Variants in OGDH observed in about 807,000 individuals in gnomAD.
OGDH encodes the protein oxoglutarate dehydrogenase.
A neutral mutation model predicts 116.6 loss-of-function variants in OGDH; 38 were observed. The observed-to-expected ratio is 0.33, with a 90% CI of 0.25 to 0.43. The LOEUF is 0.43. Among genes scored for constraint, OGDH ranks in the 20% least tolerant of loss-of-function variants. OGDH has a pLI of 1.00. For missense variants in OGDH, 825 were observed against 1,357.2 expected (o/e 0.61, Z 6.16); for synonymous variants, 488 against 533.3 (o/e 0.92, Z 1.17).
chr7:44,694,285 A>G lies in OGDH; in HGVS notation c.1516-139A>G. 1.9e-6 allele frequency: 2 copies of G among 1,077,614 alleles called. No homozygotes were observed. Among genetic ancestry groups the G allele is most frequent in the South Asian group, 3.2e-5 (2 of 63,312 alleles). The allele number at this position is 1,077,614 out of a possible 1,614,324, so 66.8% of individuals were successfully genotyped here. ...GAGAGATACACAGAATCCTAATTCT[A>G]GAGAAGGTAAACTCCAGGGCAGGCA... On this transcript the variant is annotated intron_variant, in intron 11 of 22. Coordinates refer to ENST00000222673, the MANE Select transcript of OGDH (RefSeq NM_002541.4). The surrounding 1 kb of genome is among the most constrained non-coding windows in gnomAD (Gnocchi z 4.2).
intron 10 of OGDH, 38 bp downstream of exon 10, chr7:44,681,886 A>G (rs1426824829): frequency 6.2e-7 from 1 of 1,606,872 alleles, no homozygotes; most frequent in East Asian, 2.2e-5. Flanking sequence ...TGCTCACATC[A>G]GTCTTACTTA....
chr7:44,634,365 G>A (rs981870509), intron 2 of OGDH, among the ~76,000 whole-genome samples: 1 of 152,202 alleles, frequency 6.6e-6, no homozygotes, highest in Admixed American at 6.5e-5. Flanking sequence ...AAAAGGCATG[G>A]CCACTGGACA....
At chr7:44,690,097 A>G (rs761375810) in intron 10 of OGDH, among the ~76,000 whole-genome samples, 1 of 152,234 alleles carries the variant, frequency 6.6e-6, no homozygotes, top group Non-Finnish European at 1.5e-5. Flanking sequence ...ATTTTCAAAT[A>G]TAAATGATTG....
chr7:44,647,378 A>G (rs1786230836), intron 3 of OGDH: 1 of 1,067,490 alleles, frequency 9.4e-7, no homozygotes, highest in Non-Finnish European at 1.4e-6. Context: ...ATAACCTGTG[A>G]CTCTTTTAAC....
At chr7:44,696,170 C>A (rs1380718620) in intron 13 of OGDH, 43 bp downstream of exon 13, 2 of 1,371,626 alleles carry the variant, frequency 1.5e-6, no homozygotes, top group South Asian at 1.2e-5. Flanking sequence ...CTTTGAGGAT[C>A]TGATGTAACG....
At chr7:44,702,360 C>T (rs1414117824) in intron 20 of OGDH, among the ~76,000 whole-genome samples, 1 of 152,174 alleles carries the variant, frequency 6.6e-6, no homozygotes, top group African/African-American at 2.4e-5. Context: ...CAGGTCCTGC[C>T]AAGTCACATG....
At chr7:44,644,913 A>G (rs1786100650) in intron 2 of OGDH, among the ~76,000 whole-genome samples, 1 of 152,212 alleles carries the variant, frequency 6.6e-6, no homozygotes, top group Non-Finnish European at 1.5e-5. Context: ...CAGAAGGTCA[A>G]GAGATCACCT....
chr7:44,687,155 T>C (rs1436993914), intron 10 of OGDH, among the ~76,000 whole-genome samples: 13 of 144,144 alleles, frequency 9.0e-5, no homozygotes, highest in African/African-American at 2.9e-4. Flanking sequence ...TAGAGTGCAG[T>C]GGAGTGATCT....
At chr7:44,696,197 G>GA (rs1788573074) in intron 13 of OGDH, 70 bp downstream of exon 13, 5 of 1,239,116 alleles carry the variant, frequency 4.0e-6, no homozygotes, top group African/African-American at 1.5e-5. Context: ...CCTCTTCCCA[G>GA]AAAAAATTCA....
intron 1 of OGDH, among the ~76,000 whole-genome samples, chr7:44,616,811 A>ATATATACATATATATACATATG (rs1380717095): frequency 7.1e-6 from 1 of 140,634 alleles, no homozygotes; most frequent in East Asian, 2.1e-4. Context: ...ATATATGCAT[A>ATATATACATATATATACATATG]TATACGTATA....
intron 10 of OGDH, among the ~76,000 whole-genome samples, chr7:44,689,786 A>G (rs1056679358): frequency 5.9e-5 from 9 of 152,058 alleles, no homozygotes; most frequent in Admixed American, 1.3e-4. Context: ...AGAGTTCTTT[A>G]TATATTCTGG....
chr7:44,663,537 G>A (rs543249883), intron 4 of OGDH, among the ~76,000 whole-genome samples: 3 of 152,346 alleles, frequency 2.0e-5, no homozygotes, highest in African/African-American at 7.2e-5. Context: ...GGGAGACTGA[G>A]GCGGGCAGAT....
rs746288695 is a variant in OGDH at position 44,696,572 on chromosome 7, G to T, written c.1900+15G>T. ...TATTCATGGAGGTAACACGCTCTGT[G>T]CTGACCTGTGGAAATGTTGGGGCCC... On this transcript the variant is annotated intron_variant, in intron 14 of 22. Coordinates refer to ENST00000222673, the MANE Select transcript of OGDH (RefSeq NM_002541.4). 3.9e-5 allele frequency: 63 copies of T among 1,613,916 alleles called. No homozygotes were observed. Among genetic ancestry groups the T allele is most frequent in the Non-Finnish European group, 5.0e-5 (59 of 1,179,954 alleles).
At chr7:44,653,582 A>G (rs1786547689) in intron 4 of OGDH, among the ~76,000 whole-genome samples, 1 of 152,228 alleles carries the variant, frequency 6.6e-6, no homozygotes. Context: ...GCTGGAATGC[A>G]GTGGCACGAT....
intron 10 of OGDH, among the ~76,000 whole-genome samples, chr7:44,690,084 A>G (rs1304590476): frequency 1.3e-5 from 2 of 152,256 alleles, no homozygotes. Flanking sequence ...GCACTTGGAT[A>G]CTATTTTCAA....
rs371665967 is a variant in OGDH at position 44,691,981 on chromosome 7, T to TA, written c.1336-1820dup. On this transcript the variant is annotated intron_variant, in intron 10 of 22. Coordinates refer to ENST00000222673, the MANE Select transcript of OGDH (RefSeq NM_002541.4). ...TGGGAGTCACAATGAGACTCTGTCT[T>TA]AAAAAAAAAAAAAAAAAAAAAAAAG... is the stretch of plus-strand genomic sequence containing the variant. Among the ~76,000 whole-genome samples, 336 of 102,542 alleles carry TA rather than the reference T, an allele frequency of 3.3e-3. 4 individuals are homozygous for TA. Among genetic ancestry groups the TA allele is most frequent in the African/African-American group, 8.8e-3 (201 of 22,746 alleles). The allele number at this position is 102,542 out of a possible 152,430, so 67.3% of individuals were successfully genotyped here.
chr7:44,670,217 A>G (rs1268315206), intron 5 of OGDH, among the ~76,000 whole-genome samples: 1 of 152,108 alleles, frequency 6.6e-6, no homozygotes, highest in Non-Finnish European at 1.5e-5. Context: ...CTTCTGTTCA[A>G]TAATGGAAAT....
chr7:44,673,807 T>C lies in OGDH; in HGVS notation c.654T>C (p.Ile218=). Residue 218 remains isoleucine (I), a synonymous_variant, in exon 6 of 23, where the codon ATT becomes ATC. Coordinates refer to ENST00000222673, the MANE Select transcript of OGDH (RefSeq NM_002541.4). ...RRLEMAYCQH[I]GVEFMFINDL... ...AATAGATGGCCTACTGCCAGCATAT[T>C]GGGGTGGAGTTCATGTTCATCAATG... is the stretch of plus-strand genomic sequence containing the variant. 1 of 1,614,214 alleles carries C rather than the reference T, an allele frequency of 6.2e-7. No homozygotes were observed. Among genetic ancestry groups the C allele is most frequent in the Non-Finnish European group, 8.5e-7 (1 of 1,180,040 alleles).
At chr7:44,616,284 C>T (rs1784763992) in intron 1 of OGDH, among the ~76,000 whole-genome samples, 1 of 152,096 alleles carries the variant, frequency 6.6e-6, no homozygotes, top group Non-Finnish European at 1.5e-5. Flanking sequence ...CTACACCCTC[C>T]CCAGTCAACC....
Sources: gnomAD v4.1 joint callset for allele counts (sites outside exome capture counted in the v4.1 genomes callset) on GRCh38, gnomAD v4.1.1 for gene constraint, Gnocchi (gnomAD v3.1) non-coding constraint, MANE v1.5 for transcripts, NCBI Gene and HGNC (gene_info 2026-07-23, HGNC 2026-07-21) for gene names.